The following SDK1 variants were observed in gnomAD, a reference collection of about 807,000 sequenced individuals.
SDK1 encodes protein sidekick-1.
In SDK1, 157 loss-of-function variants were observed where a neutral mutation model predicts 245.5. That is an observed-to-expected ratio of 0.64 (90% CI 0.56 to 0.73). The LOEUF is 0.73. SDK1 is among the 30% of genes least tolerant of loss of function. The probability of loss-of-function intolerance (pLI) is 0.00; values close to 1 mark genes in which losing one functional copy is unlikely to be tolerated. For missense variants in SDK1, 3,583 were observed against 3,002.3 expected (o/e 1.19, Z -4.52); for synonymous variants, 1,647 against 1,278.5 (o/e 1.29, Z -6.15).
chr7:3,895,728 A>G (rs1781587691), intron 5 of SDK1, among the ~76,000 whole-genome samples: 1 of 152,182 alleles, frequency 6.6e-6, no homozygotes, highest in South Asian at 2.1e-4. Context: ...GCTTGATGCC[A>G]TCAGTATCCC....
chr7:3,335,842 A>G (rs1368478341), intron 1 of SDK1, among the ~76,000 whole-genome samples: 1 of 151,724 alleles, frequency 6.6e-6, no homozygotes, highest in East Asian at 1.9e-4. Flanking sequence ...ACCAAGGTGG[A>G]GCAGCCCCAT....
chr7:3,388,688 T>G (rs1562456842), intron 1 of SDK1, among the ~76,000 whole-genome samples: 1 of 152,184 alleles, frequency 6.6e-6, no homozygotes, highest in Non-Finnish European at 1.5e-5. Context: ...AAATTATTCC[T>G]TGACATTTTT....
At chr7:3,997,147 T>C (rs117709145) in intron 14 of SDK1, among the ~76,000 whole-genome samples, 3,467 of 152,326 alleles carry the variant, frequency 0.023, 117 homozygotes, top group African/African-American at 0.072. Flanking sequence ...TTTGAACTTA[T>C]TGGAAATTGT....
intron 4 of SDK1, among the ~76,000 whole-genome samples, chr7:3,775,657 A>G (rs1045066240): frequency 6.6e-6 from 1 of 151,426 alleles, no homozygotes. Flanking sequence ...GCTCACTCCA[A>G]GCTCTGCTTC....
chr7:4,215,620 A>G (rs943119115), intron 38 of SDK1, among the ~76,000 whole-genome samples: 1 of 152,216 alleles, frequency 6.6e-6, no homozygotes, highest in African/African-American at 2.4e-5. Context: ...AGTCTAGTGC[A>G]GGCCAGCCCG....
chr7:4,223,102 T>G (rs1785234591), intron 40 of SDK1, among the ~76,000 whole-genome samples: 1 of 151,754 alleles, frequency 6.6e-6, no homozygotes, highest in South Asian at 2.1e-4. Flanking sequence ...AAAAAAAGTT[T>G]CTAGAAGGCA....
At chr7:3,843,025 G>A (rs576413618) in intron 5 of SDK1, among the ~76,000 whole-genome samples, 6 of 152,186 alleles carry the variant, frequency 3.9e-5, no homozygotes, top group South Asian at 2.1e-4. Flanking sequence ...CCGTCAGTCC[G>A]TCTGGACTTA....
At chr7:3,384,208 T>C (rs1431286187) in intron 1 of SDK1, among the ~76,000 whole-genome samples, 5 of 152,204 alleles carry the variant, frequency 3.3e-5, no homozygotes, top group South Asian at 2.1e-4. Context: ...AACTTTATTA[T>C]GTATTTCTTA....
intron 5 of SDK1, among the ~76,000 whole-genome samples, chr7:3,905,769 C>T (rs934824409): frequency 6.6e-6 from 1 of 151,878 alleles, no homozygotes; most frequent in Non-Finnish European, 1.5e-5. Flanking sequence ...ACCACAAACA[C>T]ATGCCACTAT....
intron 1 of SDK1, among the ~76,000 whole-genome samples, chr7:3,389,599 G>A (rs1353628673): frequency 6.6e-6 from 1 of 152,112 alleles, no homozygotes; most frequent in African/African-American, 2.4e-5. Flanking sequence ...TGTTACAGCA[G>A]CAACAGAAAA....
chr7:3,391,412 A>T (rs78709597), intron 1 of SDK1, among the ~76,000 whole-genome samples: 1 of 152,062 alleles, frequency 6.6e-6, no homozygotes, highest in Non-Finnish European at 1.5e-5. Context: ...AGGATGCCTC[A>T]TCTTAAGGAA....
chr7:3,644,818 A>AG (rs1403965970), intron 4 of SDK1, among the ~76,000 whole-genome samples: 2 of 145,192 alleles, frequency 1.4e-5, no homozygotes, highest in Non-Finnish European at 3.0e-5. Context: ...ACGGCGGGGC[A>AG]GGGGGTGGCA....
chr7:3,403,880 T>TATA (rs1342131648), intron 1 of SDK1, among the ~76,000 whole-genome samples: 2,289 of 119,782 alleles, frequency 0.019, 113 homozygotes, highest in African/African-American at 0.061. Flanking sequence ...ATATATATAT[T>TATA]TATTTATATT....
At chr7:3,508,272 T>G (rs1782458815) in intron 1 of SDK1, among the ~76,000 whole-genome samples, 1 of 151,970 alleles carries the variant, frequency 6.6e-6, no homozygotes, top group African/African-American at 2.4e-5. Context: ...TGCCCCAAAT[T>G]AAGCTAATCA....
At chr7:3,685,213 T>C (rs10951277) in intron 4 of SDK1, among the ~76,000 whole-genome samples, 2,598 of 13,692 alleles carry the variant, frequency 0.19, 70 homozygotes, top group Admixed American at 0.35. Context: ...GAACATTAAG[T>C]TAAAAAAAAA....
At chr7:3,327,819 A>T (rs1280398343) in intron 1 of SDK1, among the ~76,000 whole-genome samples, 4 of 152,178 alleles carry the variant, frequency 2.6e-5, no homozygotes, top group Non-Finnish European at 2.9e-5. Context: ...TACCCCAGGA[A>T]TATTATGTAA....
intron 17 of SDK1, among the ~76,000 whole-genome samples, chr7:4,021,175 C>T (rs1458644278): frequency 6.6e-6 from 1 of 152,098 alleles, no homozygotes; most frequent in Non-Finnish European, 1.5e-5. Flanking sequence ...TCCTTGGGGA[C>T]CTGCAGTCTG....
At chr7:4,158,642 G>C (rs1288002477) in intron 31 of SDK1, 91 bp downstream of exon 31, 16 of 874,116 alleles carry the variant, frequency 1.8e-5, no homozygotes, top group Non-Finnish European at 3.0e-5. Context: ...GCCAGAAAGG[G>C]GCCACCAGGG....
chr7:3,526,278 T>G (rs1783128024), intron 1 of SDK1, among the ~76,000 whole-genome samples: 1 of 152,114 alleles, frequency 6.6e-6, no homozygotes, highest in Non-Finnish European at 1.5e-5. Context: ...ATAGGATATC[T>G]TTTTACTGTC....
Sources: allele counts gnomAD v4.1 joint callset (sites outside exome capture counted in the v4.1 genomes callset), GRCh38; gene constraint gnomAD v4.1.1; transcripts MANE v1.5; gene names NCBI Gene and HGNC (gene_info 2026-07-23, HGNC 2026-07-21).